The following WDR49 variants were observed in gnomAD, a reference collection of about 807,000 sequenced individuals.
The protein encoded by WDR49 is WD repeat domain 49, also known as cilia- and flagella-associated protein 337.
In WDR49, 107 loss-of-function variants were observed where a neutral mutation model predicts 119.5. The observed-to-expected ratio is 0.90, with a 90% CI of 0.77 to 1.05. WDR49 has a LOEUF of 1.05. Ranked by LOEUF, WDR49 falls within the 50% of genes least tolerant of loss-of-function variation. The probability of loss-of-function intolerance (pLI) is 0.00; values close to 1 mark genes in which losing one functional copy is unlikely to be tolerated. For synonymous variants in WDR49, 425 were observed against 418.8 expected (o/e 1.01, Z -0.18); for missense variants, 1,240 against 1,220.5 (o/e 1.02, Z -0.24).
At chr3:167,621,759 T>A in intron 3 of WDR49, 116 bp from the exon 4 acceptor site, 1 of 972,014 alleles carries the variant, frequency 1.0e-6, no homozygotes, top group Non-Finnish European at 1.5e-6. Flanking sequence ...TGAGGATCCT[T>A]AACAGTATTA....
chr3:167,549,187 T>C (rs947214964), intron 10 of WDR49, among the ~76,000 whole-genome samples: 2 of 152,196 alleles, frequency 1.3e-5, no homozygotes, highest in African/African-American at 4.8e-5. Context: ...GCATGATTTA[T>C]AATCCACTGG....
At chr3:167,631,790 T>C (rs1301157459) in intron 2 of WDR49, among the ~76,000 whole-genome samples, 1 of 152,074 alleles carries the variant, frequency 6.6e-6, no homozygotes, top group East Asian at 1.9e-4. Context: ...TAATTTCACA[T>C]CTGTAAAGTA....
chr3:167,510,267 C>T (rs575277743), intron 16 of WDR49, among the ~76,000 whole-genome samples: 1 of 152,174 alleles, frequency 6.6e-6, no homozygotes, highest in South Asian at 2.1e-4. Flanking sequence ...CCTGTAATCC[C>T]TGTATTAATT....
chr3:167,636,550 T>C (rs182488085), intron 2 of WDR49, among the ~76,000 whole-genome samples: 20 of 151,810 alleles, frequency 1.3e-4, no homozygotes, highest in African/African-American at 4.6e-4. Context: ...TTACTTTTAG[T>C]TCTTTAAAGA....
At chr3:167,519,005 C>A (rs1325571162) in intron 16 of WDR49, among the ~76,000 whole-genome samples, 1 of 151,082 alleles carries the variant, frequency 6.6e-6, no homozygotes, top group Non-Finnish European at 1.5e-5. Flanking sequence ...ATTTATGCAA[C>A]CAACAAACAA....
At chr3:167,598,250 A>G (rs1298519696) in intron 7 of WDR49, among the ~76,000 whole-genome samples, 3 of 151,548 alleles carry the variant, frequency 2.0e-5, no homozygotes, top group African/African-American at 7.3e-5. Context: ...GGTTGCAGTG[A>G]GCCGAGATCA....
chr3:167,558,359 T>C (rs1181787427), intron 9 of WDR49, among the ~76,000 whole-genome samples: 1 of 152,234 alleles, frequency 6.6e-6, no homozygotes, highest in African/African-American at 2.4e-5. Context: ...ATGTAGGTAC[T>C]GAATTTGGAT....
intron 2 of WDR49, among the ~76,000 whole-genome samples, chr3:167,649,575 T>C (rs979862357): frequency 2.6e-5 from 4 of 152,222 alleles, no homozygotes; most frequent in Non-Finnish European, 4.4e-5. Flanking sequence ...ACTTGCAGAA[T>C]TGACTACTGA....
intron 7 of WDR49, among the ~76,000 whole-genome samples, chr3:167,600,747 G>A (rs1715732274): frequency 6.6e-6 from 1 of 152,190 alleles, no homozygotes; most frequent in South Asian, 2.1e-4. Flanking sequence ...TCTAAAATGT[G>A]GAGGATAAAT....
intron 13 of WDR49, among the ~76,000 whole-genome samples, chr3:167,530,342 C>T (rs1292196422): frequency 2.0e-5 from 3 of 151,784 alleles, no homozygotes; most frequent in East Asian, 3.9e-4. Flanking sequence ...CCTGAAGATA[C>T]GATTGTTATT....
intron 5 of WDR49, among the ~76,000 whole-genome samples, chr3:167,604,997 ATAACT>A (rs555877456): frequency 1.8e-3 from 279 of 151,092 alleles, no homozygotes; most frequent in African/African-American, 6.5e-3. Flanking sequence ...TTTTGGTATA[ATAACT>A]TAATTTGCTT....
intron 2 of WDR49, among the ~76,000 whole-genome samples, chr3:167,630,415 T>C (rs1717320857): frequency 6.6e-6 from 1 of 152,142 alleles, no homozygotes; most frequent in African/African-American, 2.4e-5. Flanking sequence ...TTTTATTTGC[T>C]CTAGGAAACC....
chr3:167,496,205 A>G (rs1035105361), intron 18 of WDR49, among the ~76,000 whole-genome samples: 60 of 150,268 alleles, frequency 4.0e-4, no homozygotes, highest in Admixed American at 9.3e-4. Context: ...ATAGGATATA[A>G]AATTATATAA....
At chr3:167,556,241 C>T (rs2108266927) in intron 9 of WDR49, among the ~76,000 whole-genome samples, 1 of 152,254 alleles carries the variant, frequency 6.6e-6, no homozygotes, top group East Asian at 1.9e-4. Context: ...TGTTGACATC[C>T]TGAAGTTTTC....
At chr3:167,587,133 T>G (rs1302449216) in intron 7 of WDR49, among the ~76,000 whole-genome samples, 2 of 152,184 alleles carry the variant, frequency 1.3e-5, no homozygotes, top group African/African-American at 4.8e-5. Context: ...ACATTAATAT[T>G]TTCTAGGTCT....
intron 5 of WDR49, among the ~76,000 whole-genome samples, chr3:167,618,947 G>T (rs1716729045): frequency 6.6e-6 from 1 of 152,030 alleles, no homozygotes; most frequent in Non-Finnish European, 1.5e-5. Context: ...TAAAATTGAG[G>T]CAGAGTCTGC....
chr3:167,604,688 A>G (rs758231995), intron 5 of WDR49, among the ~76,000 whole-genome samples: 4 of 152,124 alleles, frequency 2.6e-5, no homozygotes, highest in Non-Finnish European at 5.9e-5. Flanking sequence ...TTTTCCCCCA[A>G]TCTAGGGAAA....
chr3:167,653,282 T>C lies in WDR49; in HGVS notation c.144A>G (p.Val48=), dbSNP rs1718475896. 2.6e-6 allele frequency: 4 copies of C among 1,536,084 alleles called. No homozygotes were observed. The highest frequency in any genetic ancestry group is 4.9e-5 in the East Asian group (2 of 40,920). ...TTACCTCAAAGGCCTTCTGTATTTTTACAAAGTCACCCACGCTGAGTTGGT... is the reference window on the plus strand; with the variant it reads ...TTACCTCAAAGGCCTTCTGTATTTTCACAAAGTCACCCACGCTGAGTTGGT... ...LENQLSVGDF[V]KIQKAFESPQ... is the part of the protein sequence containing the mutation. Residue 48 remains valine (V), a synonymous_variant, in exon 2 of 19, where the codon GTA becomes GTG. Transcript: ENST00000682715.
At chr3:167,655,669 A>G (rs6768525), upstream of WDR49, among the ~76,000 whole-genome samples, 45,176 of 151,858 alleles carry the variant, frequency 0.3, 7,166 homozygotes, top group African/African-American at 0.43. Context: ...AAGCCAAGAC[A>G]GGCAGATCAC....
Sources: gnomAD v4.1 joint callset for allele counts (sites outside exome capture counted in the v4.1 genomes callset) on GRCh38, gnomAD v4.1.1 for gene constraint, MANE v1.5 for transcripts, NCBI Gene and HGNC (gene_info 2026-07-23, HGNC 2026-07-21) for gene names.